SELE: variants seen among roughly 807,000 people sequenced by gnomAD.
SELE encodes the protein E-selectin.
A neutral mutation model predicts 75.8 loss-of-function variants in SELE; 52 were observed. The ratio of observed to expected loss-of-function variants is 0.69; its 90% CI spans 0.55 to 0.86. The LOEUF is 0.86. Among genes scored for constraint, SELE ranks in the 40% least tolerant of loss-of-function variants. SELE has a pLI of 0.00. For synonymous variants in SELE, 285 were observed against 258.7 expected (o/e 1.10, Z -0.98); for missense variants, 754 against 732.7 (o/e 1.03, Z -0.34).
At chr1:169,733,081 T>C (rs1648956331) in intron 2 of SELE, 83 bp from the exon 3 acceptor site, 1 of 1,397,258 alleles carries the variant, frequency 7.2e-7, no homozygotes. Context: ...TATTGTCTTA[T>C]TTTTGGCAAT....
chr1:169,731,334 A>G (rs1648906750), intron 4 of SELE, among the ~76,000 whole-genome samples: 1 of 152,202 alleles, frequency 6.6e-6, no homozygotes, highest in Non-Finnish European at 1.5e-5. Flanking sequence ...GTACAAATTT[A>G]GGAACTGAGA....
chr1:169,733,574 AC>A lies in SELE; in HGVS notation c.37+1del. 6.2e-7 allele frequency: 1 copy of A among 1,613,728 alleles called. No homozygotes were observed. The highest frequency in any genetic ancestry group is 8.5e-7 in the Non-Finnish European group (1 of 1,179,606). ...AATCTTGGTCTAATGGCACTGACTT[AC>A]CCAAAGTGAGAGCTGAGAGAAACTG... On this transcript the variant is annotated splice_donor_variant, in intron 2 of 13. Transcript: ENST00000333360. LOFTEE classifies it high-confidence loss of function.
chr1:169,729,172 G>T lies in SELE; in HGVS notation c.1090+14C>A. ...TTCTTTAAGAAAGTATAAATCGAAG[G>T]ATCTCAAGCTTACCTTCACAAACTG... On this transcript the variant is annotated intron_variant, in intron 7 of 13. Transcript: ENST00000333360. 6.3e-7 allele frequency: 1 copy of T among 1,583,258 alleles called. No individual in the cohort carries two copies. The highest frequency in any genetic ancestry group is 8.6e-7 in the Non-Finnish European group (1 of 1,163,080).
In SELE at chr1:169,729,358, G is replaced by T; in HGVS notation, c.918C>A (p.Ala306=). 1 of 1,613,788 alleles carries T rather than the reference G, an allele frequency of 6.2e-7. No individual in the cohort carries two copies. Among genetic ancestry groups the T allele is most frequent in the East Asian group, 2.2e-5 (1 of 44,840 alleles). The change falls in exon 7 of 14, where the codon GCC becomes GCA. Residue 306 remains alanine, a synonymous_variant. Transcript: ENST00000333360. ...KPTCKAVTCR[A]VRQPQNGSVR... The stretch of plus-strand genomic sequence containing the variant: ...CAGAGCCATTCTGAGGCTGGCGGAC[G>T]GCCCTGCATGTCACAGCTGTAACAA...
In SELE at chr1:169,733,701, G is replaced by A. The variant is rs910912010; in HGVS notation, c.-48-41C>T. The A allele has an allele frequency of 8.6e-5, 113 of 1,320,878 alleles. 1 individual carries two copies. The highest frequency in any genetic ancestry group is 6.7e-4 in the South Asian group (57 of 84,698). The allele number at this position is 1,320,878 out of a possible 1,614,324, so 81.8% of individuals were successfully genotyped here. A position where few individuals can be genotyped will look rare whatever the true frequency, so the allele number is the denominator to read the frequency against. ...ACAAAATGAATTAAAGAAGGAAATC[G>A]TGGGTAGCTAGTTACATTATTCTAC... On this transcript the variant is annotated intron_variant, in intron 1 of 13. Transcript: ENST00000333360.
In SELE at chr1:169,731,958, A is replaced by G; in HGVS notation, c.422-16T>C. 6.5e-7 allele frequency: 1 copy of G among 1,538,292 alleles called. No homozygotes were observed. The highest frequency in any genetic ancestry group is 9.0e-7 in the Non-Finnish European group (1 of 1,111,466). On this transcript the variant is annotated splice_polypyrimidine_tract_variant and intron_variant, in intron 3 of 13. Coordinates refer to ENST00000333360, the MANE Select transcript of SELE (RefSeq NM_000450.2). ...GTACAGGCAGCTACGGAAAATACAA[A>G]GCATGATGAGGAGGACTATTACTGT... is the stretch of plus-strand genomic sequence containing the variant.
chr1:169,730,494 C>T lies in SELE; in HGVS notation c.653G>A (p.Ser218Asn). Residue 218 changes from serine (S) to asparagine (N), a missense_variant, in exon 5 of 14, where the codon AGC becomes AAC. Coordinates refer to ENST00000333360, the MANE Select transcript of SELE (RefSeq NM_000450.2). ...ISCDRGYLPS[S>N]METMQCMSSG... ...GGACATACACTGCATGGTCTCCATG[C>T]TGCTTGGCAGGTAACCCCTATCACA... The T allele has an allele frequency of 1.2e-6, 2 of 1,614,074 alleles. No homozygotes were observed. The highest frequency in any genetic ancestry group is 1.7e-6 in the Non-Finnish European group (2 of 1,179,982).
rs41272475 is a variant in SELE, at chr1:169,729,502, T to G, written c.887A>C (p.Lys296Thr). The G allele has an allele frequency of 3.7e-3, 5,893 of 1,614,144 alleles. 19 individuals carry two copies. The highest frequency in any genetic ancestry group is 4.6e-3 in the Non-Finnish European group (5,399 of 1,179,974). The change falls in exon 6 of 14, where the codon AAG becomes ACG. Residue 296 changes from lysine to threonine, a missense_variant. Coordinates refer to ENST00000333360, the MANE Select transcript of SELE (RefSeq NM_000450.2). ...CTSSGNWDNE[K>T]PTCKAVTCRA... ...AACAACTCTACCTTTACACGTTGGC[T>G]TCTCGTTGTCCCAATTCCCAGATGA...
At chr1:169,731,132 T>C (rs1478904161) in intron 4 of SELE, among the ~76,000 whole-genome samples, 6 of 152,118 alleles carry the variant, frequency 3.9e-5, no homozygotes, top group African/African-American at 1.4e-4. Flanking sequence ...CTTGAATTCG[T>C]TGAAATCAAA....
intron 3 of SELE, among the ~76,000 whole-genome samples, chr1:169,732,370 C>CTA (rs56022949): frequency 2.1e-5 from 3 of 144,066 alleles, no homozygotes; most frequent in Non-Finnish European, 4.6e-5. Flanking sequence ...ATGCTGTAGG[C>CTA]TATATATATA....
chr1:169,725,199 G>A (rs1425585134), intron 13 of SELE, among the ~76,000 whole-genome samples: 6 of 152,026 alleles, frequency 3.9e-5, no homozygotes, highest in Non-Finnish European at 5.9e-5. Context: ...CCAACATGAC[G>A]AAAAAATACA....
At position 169,731,911 on chromosome 1, in the gene SELE, G is replaced by A. The variant is rs758766240; in HGVS notation, c.453C>T (p.His151=). The A allele has an allele frequency of 1.3e-5, 21 of 1,613,654 alleles. No homozygotes were observed. Among genetic ancestry groups the A allele is most frequent in the Middle Eastern group, 1.7e-4 (1 of 6,058 alleles). Residue 151 remains histidine (H), a synonymous_variant, in exon 4 of 14, where the codon CAC becomes CAT. Transcript: ENST00000333360. ...TATTGATGGTCTCTACACATTCACC[G>A]TGGCCACTGCAGGATGTATTGGTAC... ...AACTNTSCSG[H]GECVETINNY...
In SELE at chr1:169,723,245, C is replaced by T. The variant is rs1648671254; in HGVS notation, c.*1280G>A. The stretch of plus-strand genomic sequence containing the variant: ...CTCTCTTCCAGAGCACCCTAACATA[C>T]AGAAGAAAACAAATAGGGAATAACT... On this transcript the variant is annotated 3_prime_UTR_variant, in exon 14 of 14. Transcript: ENST00000333360. 1 of 152,196 alleles carries T rather than the reference C, an allele frequency of 6.6e-6. No homozygotes were observed. Among genetic ancestry groups the T allele is most frequent in the Admixed American group, 6.5e-5 (1 of 15,274 alleles). 9.4% of individuals were successfully genotyped at this position (152,196 alleles called of 1,614,324 possible). A position where few individuals can be genotyped will look rare whatever the true frequency, so the allele number is the denominator to read the frequency against.
intron 11 of SELE, 108 bp from the exon 12 acceptor site, chr1:169,726,036 G>T: frequency 8.1e-7 from 1 of 1,238,482 alleles, no homozygotes; most frequent in Non-Finnish European, 1.2e-6. Flanking sequence ...CAAACTCGAT[G>T]CTTCAGGGCC....
Position 169,731,836 on chromosome 1 carries a change from T to C in SELE, c.528A>G (p.Gln176=), listed in dbSNP as rs1210269503. ...GAAAGAGGCAAGAACCAGACTTACT[T>C]TGCTCACACTTGAGTCCACTGAAGC... The part of the protein sequence containing the change: ...DPGFSGLKCE[Q]IVNCTALESP... Residue 176 remains glutamine, a splice_region_variant and synonymous_variant, in exon 4 of 14, where the codon CAA becomes CAG. Coordinates refer to ENST00000333360, the MANE Select transcript of SELE (RefSeq NM_000450.2). 2 of 1,606,308 alleles carry C rather than the reference T, an allele frequency of 1.2e-6. No individual in the cohort carries two copies. The highest frequency in any genetic ancestry group is 1.7e-6 in the Non-Finnish European group (2 of 1,173,092).
rs1430846127 is a variant in SELE, at chr1:169,732,518, A to T, written c.421+97T>A. 2.8e-6 allele frequency: 4 copies of T among 1,416,238 alleles called. No individual in the cohort carries two copies. In the East Asian group the frequency reaches 9.3e-5, roughly 33 times the overall value. 87.7% of individuals were successfully genotyped at this position (1,416,238 alleles called of 1,614,324 possible). ...AGTTAAACAGAATCTTTTGGAACAT[A>T]AAATGACCACAATAGAGAGCAGTTT... is the stretch of plus-strand genomic sequence containing the variant. On this transcript the variant is annotated intron_variant, in intron 3 of 13. Coordinates refer to ENST00000333360, the MANE Select transcript of SELE (RefSeq NM_000450.2).
rs373692491 is a variant in SELE, at chr1:169,729,178, A to G, written c.1090+8T>C. On this transcript the variant is annotated splice_region_variant and intron_variant, in intron 7 of 13. Transcript: ENST00000333360. ...AAGAAAGTATAAATCGAAGGATCTC[A>G]AGCTTACCTTCACAAACTGGGATTT... 92 of 1,595,726 alleles carry G rather than the reference A, an allele frequency of 5.8e-5. No individual in the cohort carries two copies. Among genetic ancestry groups the G allele is most frequent in the Non-Finnish European group, 7.2e-5 (84 of 1,169,366 alleles).
At position 169,727,361 on chromosome 1, in the gene SELE, G is replaced by A; in HGVS notation, c.1633C>T (p.Pro545Ser). 6.2e-7 allele frequency: 1 copy of A among 1,612,050 alleles called. No homozygotes were observed. ...ATCAATGCATCACCTTCACAGGTAG[G>A]TAGCAGGCCAGACCAGTGTCCTGTG... is the stretch of plus-strand genomic sequence containing the variant. ...GATGHWSGLL[P>S]TCEAPTESNI... Residue 545 changes from proline to serine, a missense_variant, in exon 10 of 14, where the codon CCT (proline) becomes TCT (serine). Pro to Ser is a moderately conservative substitution (Grantham distance 74). Coordinates refer to ENST00000333360, the MANE Select transcript of SELE (RefSeq NM_000450.2).
chr1:169,732,010 G>C (rs1648924495), intron 3 of SELE, 68 bp from the exon 4 acceptor site: 1 of 981,308 alleles, frequency 1.0e-6, no homozygotes, highest in Non-Finnish European at 1.6e-6. Flanking sequence ...TTTGATTTTA[G>C]AATCAACAGT....
Sources: allele counts gnomAD v4.1 joint callset (sites outside exome capture counted in the v4.1 genomes callset), GRCh38; gene constraint gnomAD v4.1.1; transcripts MANE v1.5; gene names NCBI Gene and HGNC (gene_info 2026-07-23, HGNC 2026-07-21).